TMEM248: variants seen among roughly 807,000 people sequenced by gnomAD.
TMEM248 encodes the protein UPF0458 protein C7orf42.
Under a neutral mutation model 30.3 loss-of-function variants are expected in TMEM248, and 9 were observed. The observed-to-expected ratio is 0.30, with a 90% confidence interval of 0.18 to 0.52. The LOEUF is 0.52. Among genes scored for constraint, TMEM248 ranks in the 20% least tolerant of loss-of-function variants. The probability of loss-of-function intolerance (pLI) is 0.97; values close to 1 mark genes in which losing one functional copy is unlikely to be tolerated. For missense variants in TMEM248, 338 were observed against 403.3 expected (o/e 0.84, Z 1.39); for synonymous variants, 184 against 154.4 (o/e 1.19, Z -1.42).
chr7:66,958,540 C>T lies in TMEM248; in HGVS notation c.*3018C>T, dbSNP rs1040079308. The stretch of plus-strand genomic sequence containing the variant: ...TGCATATGTGCTTTACAGAATAAAA[C>T]ATCTGAATTTATTTGCTCCGCGTCT... On this transcript the variant is annotated 3_prime_UTR_variant, in exon 7 of 7. Coordinates refer to ENST00000341567, the MANE Select transcript of TMEM248 (RefSeq NM_017994.5). The T allele has an allele frequency of 1.3e-5, 2 of 152,644 alleles. No homozygotes were observed. The highest frequency in any genetic ancestry group is 4.8e-5 in the African/African-American group (2 of 41,468). The allele number at this position is 152,644 out of a possible 1,614,324, so 9.5% of individuals were successfully genotyped here.
At chr7:66,948,395 A>G (rs1012853570) in intron 3 of TMEM248, 149 bp from the exon 4 acceptor site, 1 of 935,740 alleles carries the variant, frequency 1.1e-6, no homozygotes, top group African/African-American at 1.6e-5. Context: ...CAGGGTCAGG[A>G]CTGCTCTTCT....
At chr7:66,935,249 C>G (rs1791772518) in intron 1 of TMEM248, among the ~76,000 whole-genome samples, 1 of 150,770 alleles carries the variant, frequency 6.6e-6, no homozygotes, top group South Asian at 2.1e-4. Flanking sequence ...GTGGCGCAAT[C>G]TCAGCTCACT....
chr7:66,931,057 C>T (rs1328951741), intron 1 of TMEM248, among the ~76,000 whole-genome samples: 1 of 151,994 alleles, frequency 6.6e-6, no homozygotes, highest in Non-Finnish European at 1.5e-5. Flanking sequence ...AATCCCAGCA[C>T]TTTGGGAGGC....
intron 2 of TMEM248, among the ~76,000 whole-genome samples, 189 bp downstream of exon 2, chr7:66,942,213 T>A (rs568403820): frequency 2.0e-5 from 3 of 152,236 alleles, no homozygotes; most frequent in Non-Finnish European, 4.4e-5. Context: ...TAGATGGGTA[T>A]TGTTCGATTT....
In TMEM248 at chr7:66,945,203, T is replaced by C. The variant is rs750051905; in HGVS notation, c.387T>C (p.Tyr129=). The C allele has an allele frequency of 3.7e-6, 6 of 1,614,208 alleles. No homozygotes were observed. The highest frequency in any genetic ancestry group is 5.1e-6 in the Non-Finnish European group (6 of 1,180,040). The change falls in exon 3 of 7, where the codon TAT becomes TAC. Residue 129 remains tyrosine (Y), a synonymous_variant. Transcript: ENST00000341567. ...ACCCACTGAAACCCTTCGGAGGGTA[T>C]TCCCGCAACGTCACCCATCTGTACT... ...TLDPLKPFGG[Y]SRNVTHLYST...
chr7:66,949,960 T>G (rs984162121), intron 4 of TMEM248, among the ~76,000 whole-genome samples: 9 of 152,212 alleles, frequency 5.9e-5, no homozygotes, highest in African/African-American at 2.2e-4. Flanking sequence ...TTGTCTATTT[T>G]AGACATTTGG....
At chr7:66,925,967 G>A (rs1791513286) in intron 1 of TMEM248, among the ~76,000 whole-genome samples, 1 of 152,008 alleles carries the variant, frequency 6.6e-6, no homozygotes, top group Non-Finnish European at 1.5e-5. Flanking sequence ...AGGAATTTCT[G>A]TGCTGTTTTC....
At chr7:66,922,257 A>G (rs554489496) in intron 1 of TMEM248, 3 of 152,336 alleles carry the variant, frequency 2.0e-5, no homozygotes, top group Admixed American at 6.5e-5. Context: ...GTGAGCCGCT[A>G]CGGGAGGGAA....
chr7:66,944,425 G>T (rs1396337461), intron 2 of TMEM248, among the ~76,000 whole-genome samples: 1 of 152,054 alleles, frequency 6.6e-6, no homozygotes, highest in Admixed American at 6.6e-5. Flanking sequence ...TGAAATCGTT[G>T]CTGCTCTAAG....
chr7:66,938,826 G>A (rs918052592), intron 1 of TMEM248, among the ~76,000 whole-genome samples: 1 of 152,138 alleles, frequency 6.6e-6, no homozygotes. Context: ...CTTTCATATG[G>A]CAAAAGATAC....
At chr7:66,922,456 T>C (rs1195644563) in intron 1 of TMEM248, among the ~76,000 whole-genome samples, 2 of 152,088 alleles carry the variant, frequency 1.3e-5, no homozygotes. Flanking sequence ...TGACAGGAAA[T>C]AGACCTGTCG....
In TMEM248 at chr7:66,945,231, A is replaced by G. The variant is rs369041967; in HGVS notation, c.415A>G (p.Thr139Ala). The stretch of plus-strand genomic sequence containing the variant: ...CCGCAACGTCACCCATCTGTACTCA[A>G]CCATCTTAGGGCATCAGATTGGACT... ...YSRNVTHLYS[T>A]ILGHQIGLSG... The change falls in exon 3 of 7, where the codon ACC becomes GCC. Residue 139 changes from threonine (T) to alanine (A), a missense_variant. By Grantham distance (58) the Thr-to-Ala change is moderately conservative. Transcript: ENST00000341567. The G allele has an allele frequency of 3.6e-5, 58 of 1,614,028 alleles. No individual in the cohort carries two copies. Among genetic ancestry groups the G allele is most frequent in the East Asian group, 6.7e-5 (3 of 44,898 alleles).
rs1238801128 is a variant in TMEM248 at position 66,943,068 on chromosome 7, G to A, written c.159+1044G>A. ...CTCTTTCTAGCACAGTTCAAGTAAC[G>A]AGTTTTAGCTATTTCTACCATGTAA... On this transcript the variant is annotated intron_variant, in intron 2 of 6. Transcript: ENST00000341567. Among the ~76,000 whole-genome samples, 5 of 151,276 alleles carry A rather than the reference G, an allele frequency of 3.3e-5. 1 individual carries two copies. Among genetic ancestry groups the A allele is most frequent in the African/African-American group, 1.2e-4 (5 of 41,190 alleles).
rs1294076621 is a variant in TMEM248, at chr7:66,921,248, G to T, written c.-232G>T. 6.6e-6 allele frequency: 1 copy of T among 150,710 alleles called. No individual in the cohort carries two copies. Among genetic ancestry groups the T allele is most frequent in the Non-Finnish European group, 1.5e-5 (1 of 67,564 alleles). The allele number at this position is 150,710 out of a possible 1,614,324, so 9.3% of individuals were successfully genotyped here. On this transcript the variant is annotated 5_prime_UTR_variant, in exon 1 of 7. Transcript: ENST00000341567. ...TCACCCGGAAACCGCGGTTGCCGGA[G>T]CCCGAACTGAGGCGGCGGCGGGAGC...
In TMEM248 at chr7:66,957,271, A is replaced by G. The variant is rs1792427494; in HGVS notation, c.*1749A>G. On this transcript the variant is annotated 3_prime_UTR_variant, in exon 7 of 7. Transcript: ENST00000341567. ...GATTAGTTCCTGCATTCTGAAATAC[A>G]TTGGCCTAGAACATTTTATCCCAGG... is the stretch of plus-strand genomic sequence containing the variant. The G allele has an allele frequency of 6.6e-6, 1 of 152,484 alleles. No individual in the cohort carries two copies. Among genetic ancestry groups the G allele is most frequent in the Admixed American group, 6.5e-5 (1 of 15,270 alleles). The allele number at this position is 152,484 out of a possible 1,614,324, so 9.4% of individuals were successfully genotyped here.
At chr7:66,923,720 G>T (rs1459767495) in intron 1 of TMEM248, among the ~76,000 whole-genome samples, 3 of 152,110 alleles carry the variant, frequency 2.0e-5, no homozygotes, top group South Asian at 2.1e-4. Flanking sequence ...TTGCTCTGTT[G>T]CCCAGGTTGG....
At chr7:66,946,710 T>C (rs1394713031) in intron 3 of TMEM248, among the ~76,000 whole-genome samples, 2 of 152,198 alleles carry the variant, frequency 1.3e-5, no homozygotes, top group African/African-American at 4.8e-5. Context: ...AAATGCTACG[T>C]AAGTGCTTGA....
At chr7:66,945,716 C>T (rs1792082396) in intron 3 of TMEM248, among the ~76,000 whole-genome samples, 2 of 152,070 alleles carry the variant, frequency 1.3e-5, no homozygotes, top group Admixed American at 6.6e-5. Context: ...TTTGGGAGGC[C>T]GAGGTGGGTG....
chr7:66,941,111 G>T lies in TMEM248; in HGVS notation c.-18-737G>T, dbSNP rs142041323. Among the ~76,000 whole-genome samples the T allele has an allele frequency of 7.7e-3, 1,162 of 151,720 alleles. 18 individuals carry two copies. The highest frequency in any genetic ancestry group is 0.026 in the African/African-American group (1,094 of 41,390). On this transcript the variant is annotated intron_variant, in intron 1 of 6. Transcript: ENST00000341567. ...AAAAGGTAATAAATTAGCCGGGCAC[G>T]GTGGCTCACGCCTGTAATCCCAGCA... is the stretch of plus-strand genomic sequence containing the variant.
Sources: gnomAD v4.1 joint callset for allele counts (sites outside exome capture counted in the v4.1 genomes callset) on GRCh38, gnomAD v4.1.1 for gene constraint, MANE v1.5 for transcripts, NCBI Gene and HGNC (gene_info 2026-07-23, HGNC 2026-07-21) for gene names.